The following HINT3 variants were observed in gnomAD, a reference collection of about 807,000 sequenced individuals.
The protein encoded by HINT3 is adenosine 5'-monophosphoramidase HINT3.
A neutral mutation model predicts 19.1 loss-of-function variants in HINT3; 16 were observed. The observed-to-expected ratio is 0.84, with a 90% CI of 0.57 to 1.27. The LOEUF (loss-of-function observed/expected upper bound fraction) is 1.27. HINT3 is among the 50% of genes most tolerant of loss of function. The pLI is 0.00. For missense variants in HINT3, 197 were observed against 225.8 expected, an observed-to-expected ratio of 0.87 and a Z score of 0.82; for synonymous variants, 75 against 84.8, an observed-to-expected ratio of 0.88 and a Z score of 0.63.
intron 2 of HINT3, among the ~76,000 whole-genome samples, chr6:125,968,386 A>G (rs1471220846): frequency 6.6e-6 from 1 of 152,186 alleles, no homozygotes; most frequent in Non-Finnish European, 1.5e-5. Flanking sequence ...GTATATATGT[A>G]CCACATCTTC....
intron 1 of HINT3, among the ~76,000 whole-genome samples, chr6:125,958,764 T>C (rs1788875752): frequency 6.6e-6 from 1 of 152,132 alleles, no homozygotes; most frequent in Non-Finnish European, 1.5e-5. Context: ...TTCTGGGACC[T>C]AAATAATGGA....
chr6:125,971,170 C>T (rs1789091916), intron 2 of HINT3, among the ~76,000 whole-genome samples: 1 of 152,162 alleles, frequency 6.6e-6, no homozygotes, highest in African/African-American at 2.4e-5. Flanking sequence ...GGCCATAAAA[C>T]ACCAAGAGAA....
At chr6:125,968,100 G>A (rs186092878) in intron 2 of HINT3, among the ~76,000 whole-genome samples, 216 of 152,306 alleles carry the variant, frequency 1.4e-3, no homozygotes, top group Non-Finnish European at 2.6e-3. Flanking sequence ...GGATACAAAT[G>A]ATCTGTGACC....
intron 1 of HINT3, 50 bp downstream of exon 1, chr6:125,957,228 G>A (rs1422971505): frequency 4.7e-6 from 7 of 1,500,360 alleles, no homozygotes; most frequent in Non-Finnish European, 5.4e-6. Flanking sequence ...GCCGCCCCTC[G>A]GAGCTCCGGC....
intron 1 of HINT3, among the ~76,000 whole-genome samples, chr6:125,962,593 C>G (rs930937806): frequency 2.0e-5 from 3 of 152,024 alleles, no homozygotes; most frequent in Non-Finnish European, 4.4e-5. Flanking sequence ...AAGTGTAATT[C>G]AGGTACAAAA....
At chr6:125,970,648 A>G (rs1050393800) in intron 2 of HINT3, among the ~76,000 whole-genome samples, 2 of 152,208 alleles carry the variant, frequency 1.3e-5, no homozygotes, top group Non-Finnish European at 2.9e-5. Context: ...CATATGGAAG[A>G]GTTCAAGAAC....
rs1014462759 is a variant in HINT3 at position 125,957,174 on chromosome 6, G to T, written c.197G>T (p.Cys66Phe). ...GACCCGGGCACCGAACTCCTGCACT[G>T]CGAGGTGGGCGGCGACGCGCGGCCG... The part of the protein sequence containing the change: ...RQDPGTELLH[C>F]ENEDLICFKD... The change falls in exon 1 of 5, where the codon TGC (cysteine) becomes TTC (phenylalanine). Residue 66 changes from cysteine (C) to phenylalanine (F), a missense_variant. Transcript: ENST00000229633. The T allele has an allele frequency of 3.2e-6, 5 of 1,543,622 alleles. No homozygotes were observed. Among genetic ancestry groups the T allele is most frequent in the Middle Eastern group, 1.7e-4 (1 of 5,892 alleles).
chr6:125,969,735 G>A (rs192277979), intron 2 of HINT3, among the ~76,000 whole-genome samples: 2 of 152,050 alleles, frequency 1.3e-5, no homozygotes, highest in African/African-American at 2.4e-5. Context: ...ACGTATTTTT[G>A]TGTGTGTGTG....
chr6:125,960,671 A>AGGGGGGGTG (rs1562211533), intron 1 of HINT3, among the ~76,000 whole-genome samples: 1 of 92,472 alleles, frequency 1.1e-5, no homozygotes, highest in South Asian at 5.4e-4. Context: ...GGGGGAAAAA[A>AGGGGGGGTG]AAAGAAGTTA....
chr6:125,977,055 T>C lies in HINT3; in HGVS notation c.517-589T>C, dbSNP rs529989229. Among the ~76,000 whole-genome samples the C allele has an allele frequency of 3.9e-5, 6 of 152,336 alleles. No homozygotes were observed. The East Asian group carries it at 7.7e-4, about 20-fold the overall frequency. On this transcript the variant is annotated intron_variant, in intron 4 of 4. Coordinates refer to ENST00000229633, the MANE Select transcript of HINT3 (RefSeq NM_138571.5). ...TATTTGTTACAATCAATGAACCCCA[T>C]TGATAAATTGTTATCACCACAGTCC...
intron 1 of HINT3, among the ~76,000 whole-genome samples, chr6:125,960,435 G>T (rs1335611546): frequency 3.9e-5 from 6 of 152,162 alleles, no homozygotes. Context: ...GAGGCAGGCG[G>T]ATCACGAGGT....
At chr6:125,972,945 A>G (rs1789128982) in intron 3 of HINT3, among the ~76,000 whole-genome samples, 1 of 151,942 alleles carries the variant, frequency 6.6e-6, no homozygotes, top group Non-Finnish European at 1.5e-5. Flanking sequence ...ATGCAAGTTG[A>G]ATTTTCTTAG....
intron 2 of HINT3, among the ~76,000 whole-genome samples, chr6:125,968,473 TAC>T (rs1386691577): frequency 6.6e-6 from 1 of 152,258 alleles, no homozygotes; most frequent in African/African-American, 2.4e-5. Context: ...GTGACTCACA[TAC>T]AAGTGCATGT....
intron 2 of HINT3, among the ~76,000 whole-genome samples, chr6:125,968,478 G>T (rs1330203796): frequency 6.6e-6 from 1 of 152,174 alleles, no homozygotes; most frequent in African/African-American, 2.4e-5. Context: ...TCACATACAA[G>T]TGCATGTGTC....
intron 1 of HINT3, among the ~76,000 whole-genome samples, chr6:125,959,126 T>C (rs2128710286): frequency 6.6e-6 from 1 of 152,302 alleles, no homozygotes; most frequent in Non-Finnish European, 1.5e-5. Context: ...AGTAGAGATG[T>C]CTTTTAAATG....
chr6:125,962,750 T>A (rs1458685690), intron 1 of HINT3, among the ~76,000 whole-genome samples: 2 of 152,044 alleles, frequency 1.3e-5, no homozygotes, highest in Non-Finnish European at 2.9e-5. Context: ...GATTTAAAAC[T>A]AAGCAAAGGC....
At chr6:125,973,433 A>G (rs577615846) in intron 3 of HINT3, among the ~76,000 whole-genome samples, 1 of 152,208 alleles carries the variant, frequency 6.6e-6, no homozygotes, top group Admixed American at 6.5e-5. Flanking sequence ...AAGGTTTCCA[A>G]TTTTGCTTCT....
intron 2 of HINT3, among the ~76,000 whole-genome samples, chr6:125,967,640 T>C (rs1359366337): frequency 6.6e-6 from 1 of 152,168 alleles, no homozygotes; most frequent in East Asian, 1.9e-4. Flanking sequence ...CCTATTTCTA[T>C]GACTTTTTAA....
intron 2 of HINT3, among the ~76,000 whole-genome samples, chr6:125,971,974 G>A (rs2128711769): frequency 6.6e-6 from 1 of 152,216 alleles, no homozygotes; most frequent in Middle Eastern, 3.4e-3. Flanking sequence ...GCCTCCCAAA[G>A]TGCTGGGATT....
Sources: gnomAD v4.1 joint callset for allele counts (sites outside exome capture counted in the v4.1 genomes callset) on GRCh38, gnomAD v4.1.1 for gene constraint, MANE v1.5 for transcripts, NCBI Gene and HGNC (gene_info 2026-07-23, HGNC 2026-07-21) for gene names.